ZNF366: variants seen among roughly 807,000 people sequenced by gnomAD.
ZNF366 encodes the protein dendritic cell-specific transcript protein.
ZNF366 carries 20 observed loss-of-function variants against 47.2 expected under a neutral mutation model. The observed-to-expected ratio is 0.42, with a 90% CI of 0.30 to 0.62. The LOEUF (loss-of-function observed/expected upper bound fraction) is 0.62, where lower values mean the gene tolerates loss of function less well. Ranked by LOEUF, ZNF366 falls within the 20% of genes least tolerant of loss-of-function variation. The pLI is 0.16. For missense variants in ZNF366, 987 were observed against 976.3 expected (o/e 1.01, Z -0.15); for synonymous variants, 421 against 395.1 (o/e 1.07, Z -0.78).
At chr5:72,498,852 T>A (rs868659134) in intron 1 of ZNF366, among the ~76,000 whole-genome samples, 20 of 152,352 alleles carry the variant, frequency 1.3e-4, no homozygotes, top group African/African-American at 4.8e-4. Flanking sequence ...ATATCCATAT[T>A]GCTTGAAGAG....
At chr5:72,487,878 C>A (rs1261033891) in intron 1 of ZNF366, among the ~76,000 whole-genome samples, 2 of 152,096 alleles carry the variant, frequency 1.3e-5, no homozygotes, top group Non-Finnish European at 2.9e-5. Context: ...ATATTTTTCT[C>A]CCCCATTAGA....
rs771818347 is a variant in ZNF366 at position 72,444,085 on chromosome 5, C to T, written c.1906G>A (p.Ala636Thr). The T allele has an allele frequency of 3.7e-6, 6 of 1,614,116 alleles. No individual in the cohort carries two copies. In the South Asian group the frequency reaches 4.4e-5, roughly 12 times the overall value. ...YEVEPYSPGL[A>T]PQSQQLCTPE... Reference sequence around the variant, plus strand: ...GTGCAGAGCTGCTGGCTCTGGGGGGCCAGGCCAGGGCTGTAGGGCTCCACC... The same window carrying T: ...GTGCAGAGCTGCTGGCTCTGGGGGGTCAGGCCAGGGCTGTAGGGCTCCACC... Residue 636 changes from alanine (A) to threonine (T), a missense_variant, in exon 5 of 5, where the codon GCC becomes ACC. By Grantham distance (58) the Ala-to-Thr change is moderately conservative. Coordinates refer to ENST00000318442, the MANE Select transcript of ZNF366 (RefSeq NM_152625.3).
At chr5:72,484,994 G>A (rs1373173815) in intron 1 of ZNF366, among the ~76,000 whole-genome samples, 1 of 152,158 alleles carries the variant, frequency 6.6e-6, no homozygotes, top group Admixed American at 6.5e-5. Flanking sequence ...GAGCTGTGCT[G>A]TATAATTCAG....
At chr5:72,445,174 C>T (rs1233827130) in intron 4 of ZNF366, among the ~76,000 whole-genome samples, 1 of 152,172 alleles carries the variant, frequency 6.6e-6, no homozygotes, top group Non-Finnish European at 1.5e-5. Flanking sequence ...TTCAAGGAGG[C>T]CTCACTTTTG....
intron 1 of ZNF366, among the ~76,000 whole-genome samples, chr5:72,484,483 C>CAAAA (rs770305478): frequency 7.7e-6 from 1 of 130,002 alleles, no homozygotes; most frequent in African/African-American, 2.9e-5. Context: ...GACTCCGTCT[C>CAAAA]AAAAAAAAAA....
intron 1 of ZNF366, among the ~76,000 whole-genome samples, chr5:72,480,340 G>T (rs1165926295): frequency 2.6e-5 from 4 of 152,118 alleles, no homozygotes; most frequent in Non-Finnish European, 4.4e-5. Context: ...GGAAGGTTTG[G>T]CAAAAGAAAG....
At position 72,443,012 on chromosome 5, in the gene ZNF366, T is replaced by A. The variant is rs1052028690; in HGVS notation, c.*744A>T. ...GCCTCAGAGCAAGACAGCAATGGTC[T>A]CCAGGAGGGAGCCGTGCTCGAGAAG... On this transcript the variant is annotated 3_prime_UTR_variant, in exon 5 of 5. Coordinates refer to ENST00000318442, the MANE Select transcript of ZNF366 (RefSeq NM_152625.3). The A allele has an allele frequency of 2.6e-5, 4 of 152,300 alleles. No individual in the cohort carries two copies. Among genetic ancestry groups the A allele is most frequent in the Admixed American group, 2.6e-4 (4 of 15,288 alleles). 9.4% of individuals were successfully genotyped at this position (152,300 alleles called of 1,614,324 possible). A position where few individuals can be genotyped will look rare whatever the true frequency, so the allele number is the denominator to read the frequency against.
At position 72,507,170 on chromosome 5, in the gene ZNF366, A is replaced by G. The variant is rs757503108; in HGVS notation, c.-15+81T>C. On this transcript the variant is annotated intron_variant, in intron 1 of 4. Coordinates refer to ENST00000318442, the MANE Select transcript of ZNF366 (RefSeq NM_152625.3). Reference sequence around the variant, plus strand: ...GGTTAAGGACTACTCCCAGTAAGGTATTTTCTGTTGAAGATGCCCACAGCA... The same window carrying G: ...GGTTAAGGACTACTCCCAGTAAGGTGTTTTCTGTTGAAGATGCCCACAGCA... 48 of 964,232 alleles carry G rather than the reference A, an allele frequency of 5.0e-5. No homozygotes were observed. The Admixed American group carries it at 5.5e-4, about 11-fold the overall frequency. 59.7% of individuals were successfully genotyped at this position (964,232 alleles called of 1,614,324 possible).
At chr5:72,477,067 C>G (rs1361697755) in intron 1 of ZNF366, among the ~76,000 whole-genome samples, 2 of 152,098 alleles carry the variant, frequency 1.3e-5, no homozygotes, top group Non-Finnish European at 1.5e-5. Context: ...TTTTTCAACT[C>G]CCTTAATGGC....
intron 1 of ZNF366, among the ~76,000 whole-genome samples, chr5:72,470,024 A>C (rs1002935712): frequency 2.6e-5 from 4 of 152,202 alleles, no homozygotes; most frequent in Non-Finnish European, 5.9e-5. Flanking sequence ...TAACCTGGGC[A>C]ACACAGCAAG....
intron 1 of ZNF366, among the ~76,000 whole-genome samples, chr5:72,463,633 G>A (rs1203389433): frequency 6.6e-6 from 1 of 152,220 alleles, no homozygotes; most frequent in African/African-American, 2.4e-5. Context: ...AGGGCAGTGG[G>A]AGAATGAAAT....
At chr5:72,494,506 T>G (rs927947209) in intron 1 of ZNF366, among the ~76,000 whole-genome samples, 2 of 152,156 alleles carry the variant, frequency 1.3e-5, no homozygotes, top group East Asian at 3.8e-4. Context: ...AACTGTGCCT[T>G]CTAGAATCCA....
intron 1 of ZNF366, among the ~76,000 whole-genome samples, chr5:72,484,492 A>AT (rs1398999876): frequency 8.8e-5 from 13 of 147,748 alleles, no homozygotes; most frequent in African/African-American, 2.8e-4. Flanking sequence ...TCAAAAAAAA[A>AT]AAAAATAATA....
At chr5:72,456,341 G>A (rs1418098502) in intron 3 of ZNF366, 63 bp downstream of exon 3, 12 of 1,519,146 alleles carry the variant, frequency 7.9e-6, no homozygotes, top group Non-Finnish European at 1.1e-5. Flanking sequence ...AAGGCTCCCT[G>A]GGGACCCTTT....
intron 1 of ZNF366, among the ~76,000 whole-genome samples, chr5:72,474,603 C>T (rs1301827597): frequency 6.6e-6 from 1 of 152,052 alleles, no homozygotes; most frequent in Non-Finnish European, 1.5e-5. Context: ...AAGATTTCAT[C>T]ACATTCATAA....
chr5:72,472,495 T>A (rs772533376), intron 1 of ZNF366: 15 of 972,418 alleles, frequency 1.5e-5, no homozygotes, highest in Non-Finnish European at 1.8e-5. Flanking sequence ...ACCAGTGGGT[T>A]CTGTAGAACA....
In ZNF366 at chr5:72,443,999, CT is replaced by C; in HGVS notation, c.1991del (p.Lys664ArgfsTer64). The C allele has an allele frequency of 6.2e-7, 1 of 1,614,192 alleles. No homozygotes were observed. ...CCTTGGATGCATCCTCCTTCTCCTC[CT>C]TGCAGGCTTCCTCCAGCACCTCGGG... is the stretch of plus-strand genomic sequence containing the variant. ...HAPEVLEEAC[K>X]EEKEDASKGE... On this transcript the variant is annotated frameshift_variant, in exon 5 of 5. Coordinates refer to ENST00000318442, the MANE Select transcript of ZNF366 (RefSeq NM_152625.3). LOFTEE classifies it low-confidence loss of function (END_TRUNC).
At chr5:72,496,672 G>T (rs1330056813) in intron 1 of ZNF366, among the ~76,000 whole-genome samples, 5 of 152,296 alleles carry the variant, frequency 3.3e-5, no homozygotes, top group East Asian at 1.9e-4. Context: ...TGGCTGGGTT[G>T]TATGGTAAGC....
chr5:72,464,873 A>C (rs1188576491), intron 1 of ZNF366, among the ~76,000 whole-genome samples: 1 of 152,156 alleles, frequency 6.6e-6, no homozygotes, highest in Non-Finnish European at 1.5e-5. Flanking sequence ...AGCCTGGCCA[A>C]GATGGTGAAA....
Sources: allele counts gnomAD v4.1 joint callset (sites outside exome capture counted in the v4.1 genomes callset), GRCh38; gene constraint gnomAD v4.1.1; transcripts MANE v1.5; gene names NCBI Gene and HGNC (gene_info 2026-07-23, HGNC 2026-07-21).